Variants in LRRC7 observed in about 807,000 individuals in gnomAD.
The protein encoded by LRRC7 is leucine-rich repeat-containing protein 7.
A neutral mutation model predicts 175.7 loss-of-function variants in LRRC7; 23 were observed. The observed-to-expected ratio is 0.13, with a 90% CI of 0.09 to 0.19. LRRC7 has a LOEUF of 0.19. Ranked by LOEUF, LRRC7 falls within the 10% of genes least tolerant of loss-of-function variation. The probability of loss-of-function intolerance (pLI) is 1.00; values close to 1 mark genes in which losing one functional copy is unlikely to be tolerated. For synonymous variants in LRRC7, 685 were observed against 680.9 expected (o/e 1.01, Z -0.09); for missense variants, 1,354 against 1,904.7 (o/e 0.71, Z 5.38).
chr1:69,651,532 T>G (rs560522993), intron 1 of LRRC7, among the ~76,000 whole-genome samples: 1 of 152,288 alleles, frequency 6.6e-6, no homozygotes, highest in South Asian at 2.1e-4. Flanking sequence ...CTGACATCAG[T>G]AAAATGACAT....
At chr1:69,874,531 G>A (rs1427566800) in intron 7 of LRRC7, 4 of 151,992 alleles carry the variant, frequency 2.6e-5, no homozygotes, top group Non-Finnish European at 4.4e-5. Flanking sequence ...ACAATTCAAA[G>A]GTTCTTTTTA....
At chr1:69,735,934 T>G (rs1668067443) in intron 2 of LRRC7, among the ~76,000 whole-genome samples, 1 of 152,008 alleles carries the variant, frequency 6.6e-6, no homozygotes, top group Admixed American at 6.6e-5. Context: ...ATGAATTTAT[T>G]TTTGATTAAA....
chr1:69,844,709 G>C (rs1340075313), intron 7 of LRRC7, among the ~76,000 whole-genome samples: 1 of 151,990 alleles, frequency 6.6e-6, no homozygotes, highest in African/African-American at 2.4e-5. Context: ...TTTAGAAGTG[G>C]GATTGCTGGA....
At chr1:70,063,726 G>A (rs977219246) in intron 23 of LRRC7, among the ~76,000 whole-genome samples, 13 of 151,864 alleles carry the variant, frequency 8.6e-5, no homozygotes, top group African/African-American at 2.9e-4. Flanking sequence ...TTCCATTTTG[G>A]GAATATATGT....
chr1:69,684,927 G>A (rs893437752), intron 2 of LRRC7, among the ~76,000 whole-genome samples: 1 of 152,116 alleles, frequency 6.6e-6, no homozygotes, highest in Non-Finnish European at 1.5e-5. Context: ...CTCCCTGGTG[G>A]GCAGACCTAT....
chr1:69,778,581 G>A (rs1369346698), intron 3 of LRRC7, among the ~76,000 whole-genome samples: 3 of 152,124 alleles, frequency 2.0e-5, no homozygotes, highest in African/African-American at 7.2e-5. Flanking sequence ...CATTGCTGAA[G>A]ACAAGACTAG....
At chr1:70,094,445 G>A (rs865923094) in intron 25 of LRRC7, among the ~76,000 whole-genome samples, 1 of 152,040 alleles carries the variant, frequency 6.6e-6, no homozygotes, top group African/African-American at 2.4e-5. Flanking sequence ...CCAAGCCATC[G>A]AAAGAATATT....
chr1:69,886,164 G>C (rs1338020969), intron 7 of LRRC7, among the ~76,000 whole-genome samples: 1 of 151,794 alleles, frequency 6.6e-6, no homozygotes, highest in East Asian at 1.9e-4. Context: ...TCAATTCCTG[G>C]GTATCCTTGT....
chr1:69,882,768 C>A (rs1430597392), intron 7 of LRRC7, among the ~76,000 whole-genome samples: 2 of 123,956 alleles, frequency 1.6e-5, no homozygotes, highest in African/African-American at 3.0e-5. Flanking sequence ...TCCCCCGCCC[C>A]CCACCCCACC....
intron 7 of LRRC7, among the ~76,000 whole-genome samples, chr1:69,844,608 C>G (rs868346796): frequency 6.6e-6 from 1 of 152,154 alleles, no homozygotes; most frequent in African/African-American, 2.4e-5. Context: ...TAAGTTGATT[C>G]CATATCTTGG....
At position 70,127,836 on chromosome 1, in the gene LRRC7, G is replaced by A. The variant is rs1666510003; in HGVS notation, c.*5949G>A. Among the ~76,000 whole-genome samples, 1 of 152,130 alleles carries A rather than the reference G, an allele frequency of 6.6e-6. No individual in the cohort carries two copies. The highest frequency in any genetic ancestry group is 6.5e-5 in the Admixed American group (1 of 15,282). ...CATGACTCTTATTAGTCTACGGTTG[G>A]AACCACTATGTAGTCCTACCCAAAG... On this transcript the variant is annotated 3_prime_UTR_variant, in exon 27 of 27. Coordinates refer to ENST00000651989, the MANE Select transcript of LRRC7 (RefSeq NM_001370785.2).
intron 8 of LRRC7, among the ~76,000 whole-genome samples, chr1:69,935,276 G>A (rs1034392810): frequency 1.3e-5 from 2 of 152,006 alleles, no homozygotes; most frequent in Non-Finnish European, 2.9e-5. Flanking sequence ...TTTCAAGAAG[G>A]ACCTAATTTC....
intron 3 of LRRC7, among the ~76,000 whole-genome samples, chr1:69,775,336 C>A (rs1030621343): frequency 8.5e-5 from 13 of 152,100 alleles, no homozygotes; most frequent in Admixed American, 7.2e-4. Flanking sequence ...TTATTCATTT[C>A]CAGCTTATTA....
At chr1:69,996,254 G>C (rs1300355744) in intron 11 of LRRC7, among the ~76,000 whole-genome samples, 1 of 152,020 alleles carries the variant, frequency 6.6e-6, no homozygotes, top group Non-Finnish European at 1.5e-5. Flanking sequence ...GGGGTTGTTT[G>C]TTTTTTTCTA....
chr1:70,016,674 G>T, intron 14 of LRRC7, 140 bp downstream of exon 14: 4 of 611,382 alleles, frequency 6.5e-6, no homozygotes, highest in South Asian at 3.5e-5. Context: ...AGAGAATTTT[G>T]TAAAGATAGC....
At chr1:70,017,115 T>A (rs1404213515) in intron 14 of LRRC7, among the ~76,000 whole-genome samples, 1 of 151,934 alleles carries the variant, frequency 6.6e-6, no homozygotes, top group Non-Finnish European at 1.5e-5. Flanking sequence ...CTGTCTCTAT[T>A]AAAAATACCA....
rs572798025 is a variant in LRRC7, at chr1:70,037,973, A to G, written c.2289-140A>G. ...TGGATTTTTAAAATATGAAATAATA[A>G]TACTATCTTAATCATAAGTCAGGTG... On this transcript the variant is annotated intron_variant, in intron 20 of 26. Coordinates refer to ENST00000651989, the MANE Select transcript of LRRC7 (RefSeq NM_001370785.2). The G allele has an allele frequency of 5.1e-5, 60 of 1,175,986 alleles. No homozygotes were observed. The African/African-American group carries it at 8.6e-4, about 17-fold the overall frequency. The allele number at this position is 1,175,986 out of a possible 1,614,324, so 72.8% of individuals were successfully genotyped here.
At chr1:69,644,086 A>G (rs763793828) in intron 1 of LRRC7, among the ~76,000 whole-genome samples, 53 of 152,100 alleles carry the variant, frequency 3.5e-4, no homozygotes, top group Non-Finnish European at 4.0e-4. Flanking sequence ...TATATGGTCT[A>G]TCTTGGAATA....
intron 2 of LRRC7, among the ~76,000 whole-genome samples, chr1:69,687,197 G>A (rs1475453529): frequency 2.6e-5 from 4 of 151,990 alleles, no homozygotes; most frequent in Non-Finnish European, 4.4e-5. Flanking sequence ...TGTGGTTGTG[G>A]TCTGCTTAAA....
Sources: gnomAD v4.1 joint callset for allele counts (sites outside exome capture counted in the v4.1 genomes callset) on GRCh38, gnomAD v4.1.1 for gene constraint, MANE v1.5 for transcripts, NCBI Gene and HGNC (gene_info 2026-07-23, HGNC 2026-07-21) for gene names.